The following FBXO31 variants were observed in gnomAD, a reference collection of about 807,000 sequenced individuals.
FBXO31 encodes F-box only protein 31.
FBXO31 carries 24 observed loss-of-function variants against 54.4 expected under a neutral mutation model. The observed-to-expected ratio is 0.44, with a 90% CI of 0.32 to 0.62. The LOEUF is 0.62. Among genes scored for constraint, FBXO31 ranks in the 20% least tolerant of loss-of-function variants. The pLI, the probability that FBXO31 is intolerant of heterozygous loss-of-function variation, is 0.05. For synonymous variants in FBXO31, 388 were observed against 335.6 expected, an observed-to-expected ratio of 1.16 and a Z score of -1.71; for missense variants, 665 against 787.1, an observed-to-expected ratio of 0.84 and a Z score of 1.86.
rs569572736 is a variant in FBXO31 at position 87,366,210 on chromosome 16, G to A, written c.341-5844C>T. ...GCGGAAATCTGAACCAAGTGCAGGC[G>A]TGGTTAATCATAACACATCATTATT... On this transcript the variant is annotated intron_variant, in intron 1 of 8. Transcript: ENST00000311635. Among the ~76,000 whole-genome samples, 31 of 152,278 alleles carry A rather than the reference G, an allele frequency of 2.0e-4. No individual in the cohort carries two copies. The South Asian group carries it at 5.4e-3, about 26-fold the overall frequency.
intron 1 of FBXO31, among the ~76,000 whole-genome samples, chr16:87,373,877 C>A (rs1473057592): frequency 6.6e-6 from 1 of 152,226 alleles, no homozygotes; most frequent in Non-Finnish European, 1.5e-5. Context: ...TTAAATTTCT[C>A]ATTTTTATCA....
At chr16:87,372,490 T>G (rs947671898) in intron 1 of FBXO31, among the ~76,000 whole-genome samples, 19 of 152,170 alleles carry the variant, frequency 1.2e-4, no homozygotes, top group African/African-American at 4.3e-4. Flanking sequence ...TTTATCCAGC[T>G]GCCCACCCGC....
intron 1 of FBXO31, among the ~76,000 whole-genome samples, chr16:87,377,595 G>A (rs1906879382): frequency 6.6e-6 from 1 of 152,260 alleles, no homozygotes; most frequent in South Asian, 2.1e-4. Context: ...GGAGGCCAAG[G>A]TGGGCAGATC....
At chr16:87,380,259 C>A (rs1812052571) in intron 1 of FBXO31, among the ~76,000 whole-genome samples, 1 of 137,756 alleles carries the variant, frequency 7.3e-6, no homozygotes, top group Non-Finnish European at 1.5e-5. Context: ...GAATGCACCA[C>A]TGCACTCCAG....
chr16:87,365,557 T>C (rs1251680428), intron 1 of FBXO31, among the ~76,000 whole-genome samples: 1 of 152,186 alleles, frequency 6.6e-6, no homozygotes, highest in African/African-American at 2.4e-5. Flanking sequence ...GGCATCACCA[T>C]CTCAGCAAGA....
rs1597358575 is a variant in FBXO31 at position 87,336,245 on chromosome 16, C to T, written c.752G>A (p.Arg251Lys). Residue 251 changes from arginine (R) to lysine (K), a missense_variant, in exon 6 of 9, where the codon AGG becomes AAG. By Grantham distance (26) the Arg-to-Lys change is conservative. Coordinates refer to ENST00000311635, the MANE Select transcript of FBXO31 (RefSeq NM_024735.5). This position sits in a 1 kb window ranked among gnomAD's most constrained non-coding sequence, Gnocchi z 6.5. Reference sequence around the variant, plus strand: ...CTCCAGCGTGCGCCCCCATTCCTCCCTCAGCCACGTCCGAAACTCCTTCCA... The same window carrying T: ...CTCCAGCGTGCGCCCCCATTCCTCCTTCAGCCACGTCCGAAACTCCTTCCA... ...GRQEEFRTWL[R>K]EEWGRTLEDI... The T allele has an allele frequency of 1.9e-6, 3 of 1,614,186 alleles. No individual in the cohort carries two copies. The highest frequency in any genetic ancestry group is 2.5e-6 in the Non-Finnish European group (3 of 1,180,050).
chr16:87,353,094 T>G (rs1011882242), intron 2 of FBXO31, among the ~76,000 whole-genome samples: 1 of 152,190 alleles, frequency 6.6e-6, no homozygotes, highest in Non-Finnish European at 1.5e-5. Flanking sequence ...AGCCGAGGCG[T>G]GGCCAGGGCT....
chr16:87,383,381 G>GCCCCCCCC lies in FBXO31; in HGVS notation c.340+23_340+24insGGGGGGGG. 1 of 1,417,884 alleles carries GCCCCCCCC rather than the reference G, an allele frequency of 7.1e-7. No homozygotes were observed. The highest frequency in any genetic ancestry group is 1.2e-5 in the South Asian group (1 of 80,134). The allele number at this position is 1,417,884 out of a possible 1,614,324, so 87.8% of individuals were successfully genotyped here. On this transcript the variant is annotated intron_variant, in intron 1 of 8. Transcript: ENST00000311635. The surrounding 1 kb of genome is among the most constrained non-coding windows in gnomAD (Gnocchi z 4.9). ...TGGCAGGGACCCCCCGCCCCTCCCG[G>GCCCCCCCC]CCCCGCCACCCCCGCGCGCTCACCC...
intron 2 of FBXO31, among the ~76,000 whole-genome samples, chr16:87,353,373 T>A (rs2150681361): frequency 6.6e-6 from 1 of 152,276 alleles, no homozygotes; most frequent in Non-Finnish European, 1.5e-5. Flanking sequence ...GGCTGAGTGG[T>A]CTCCCTCAAA....
chr16:87,386,688 C>A (rs1395835053), upstream of FBXO31, among the ~76,000 whole-genome samples: 2 of 152,228 alleles, frequency 1.3e-5, no homozygotes, highest in African/African-American at 2.4e-5. Context: ...CCCACCTCGG[C>A]ATCCCAAAGT....
At chr16:87,331,734 A>G (rs1431757533) in intron 8 of FBXO31, among the ~76,000 whole-genome samples, 1 of 152,242 alleles carries the variant, frequency 6.6e-6, no homozygotes, top group Non-Finnish European at 1.5e-5. Context: ...AGCCCACCTG[A>G]TGATGGACGC....
At chr16:87,384,038 C>G (rs967651182), upstream of FBXO31, 2 of 184,122 alleles carry the variant, frequency 1.1e-5, no homozygotes, top group Admixed American at 6.1e-5. Flanking sequence ...GTGTGAGGCT[C>G]GAACTCACGA....
chr16:87,351,655 G>T (rs146457528), intron 2 of FBXO31, among the ~76,000 whole-genome samples: 21 of 152,278 alleles, frequency 1.4e-4, no homozygotes, highest in African/African-American at 5.1e-4. Context: ...GATTACCTGA[G>T]GTCAGGAGTT....
At chr16:87,376,776 C>T (rs1906842071) in intron 1 of FBXO31, among the ~76,000 whole-genome samples, 1 of 152,238 alleles carries the variant, frequency 6.6e-6, no homozygotes. Flanking sequence ...GCAGCCCAAG[C>T]TCTGCTCCTC....
chr16:87,343,989 G>C (rs1159210570), intron 3 of FBXO31, among the ~76,000 whole-genome samples: 2 of 152,250 alleles, frequency 1.3e-5, no homozygotes, highest in Non-Finnish European at 2.9e-5. Flanking sequence ...AAGTGACACG[G>C]GGTGAGGTGC....
intron 1 of FBXO31, among the ~76,000 whole-genome samples, chr16:87,382,223 C>T (rs1907108811): frequency 1.3e-5 from 2 of 152,182 alleles, no homozygotes; most frequent in African/African-American, 4.8e-5. Context: ...TACTATGTAG[C>T]ATTGTTTACA....
chr16:87,351,655 G>C (rs146457528), intron 2 of FBXO31, among the ~76,000 whole-genome samples: 1 of 152,160 alleles, frequency 6.6e-6, no homozygotes, highest in Non-Finnish European at 1.5e-5. Context: ...GATTACCTGA[G>C]GTCAGGAGTT....
rs1242685043 is a variant in FBXO31, at chr16:87,334,199, T to A, written c.1084A>T (p.Asn362Tyr). 1 of 1,612,676 alleles carries A rather than the reference T, an allele frequency of 6.2e-7. No individual in the cohort carries two copies. The highest frequency in any genetic ancestry group is 8.5e-7 in the Non-Finnish European group (1 of 1,179,654). Residue 362 changes from asparagine (N) to tyrosine (Y), a missense_variant, in exon 8 of 9, where the codon AAC (asparagine) becomes TAC (tyrosine). Coordinates refer to ENST00000311635, the MANE Select transcript of FBXO31 (RefSeq NM_024735.5). ...IQLPDLENQR[N>Y]FNELSRIVLE... ...ACGATGCGGGAGAGCTCATTGAAGT[T>A]GCGCTGGTTCTCGAGGTCGGGCAGC...
chr16:87,376,134 G>C (rs559537787), intron 1 of FBXO31, among the ~76,000 whole-genome samples: 1 of 152,062 alleles, frequency 6.6e-6, no homozygotes. Context: ...CCTTAAACAC[G>C]CAAGCCTCAC....
Sources: allele counts gnomAD v4.1 joint callset (sites outside exome capture counted in the v4.1 genomes callset), GRCh38; gene constraint gnomAD v4.1.1; non-coding constraint Gnocchi (gnomAD v3.1); transcripts MANE v1.5; gene names NCBI Gene and HGNC (gene_info 2026-07-23, HGNC 2026-07-21).